The following AFG1L variants were observed in gnomAD, a reference collection of about 807,000 sequenced individuals.
The protein encoded by AFG1L is AFG1-like ATPase.
In AFG1L, 53 loss-of-function variants were observed where a neutral mutation model predicts 62.2. The ratio of observed to expected loss-of-function variants is 0.85; its 90% CI spans 0.68 to 1.07. The LOEUF is 1.07. Among genes scored for constraint, AFG1L ranks in the 50% least tolerant of loss-of-function variants. The probability of loss-of-function intolerance (pLI) is 0.00; values close to 1 mark genes in which losing one functional copy is unlikely to be tolerated. For missense variants in AFG1L, 555 were observed against 590.5 expected (o/e 0.94, Z 0.62); for synonymous variants, 228 against 210.3 (o/e 1.08, Z -0.73).
At chr6:108,314,988 A>G (rs977499647) in intron 1 of AFG1L, among the ~76,000 whole-genome samples, 10 of 152,020 alleles carry the variant, frequency 6.6e-5, no homozygotes, top group African/African-American at 2.4e-4. Flanking sequence ...ACAGGCATGC[A>G]CTAGCATGCC....
intron 10 of AFG1L, among the ~76,000 whole-genome samples, chr6:108,499,981 T>C (rs1321578146): frequency 6.6e-6 from 1 of 152,052 alleles, no homozygotes; most frequent in East Asian, 1.9e-4. Context: ...GTCCCTAGTG[T>C]CTATTTTTTC....
intron 7 of AFG1L, among the ~76,000 whole-genome samples, chr6:108,420,974 C>T (rs552522231): frequency 1.8e-4 from 28 of 152,178 alleles, no homozygotes; most frequent in East Asian, 3.9e-4. Flanking sequence ...TTTAATTACA[C>T]GTGGCAATTT....
At chr6:108,429,524 G>T (rs1183992670) in intron 7 of AFG1L, among the ~76,000 whole-genome samples, 1 of 152,204 alleles carries the variant, frequency 6.6e-6, no homozygotes, top group Non-Finnish European at 1.5e-5. Context: ...TTCAAGATGA[G>T]ATTTGGGTGG....
rs1006071675 is a variant in AFG1L at position 108,366,484 on chromosome 6, T to G, written c.748+152T>G. ...TAACTGGCTTAATCTGAAAAATCAGTTGGTATTTGCATTTGAAAAGTTTTG... is the reference window on the plus strand; with the variant it reads ...TAACTGGCTTAATCTGAAAAATCAGGTGGTATTTGCATTTGAAAAGTTTTG... On this transcript the variant is annotated intron_variant, in intron 6 of 12. Transcript: ENST00000368977. 2.4e-5 allele frequency: 12 copies of G among 494,608 alleles called. 1 individual carries two copies. In the South Asian group the frequency reaches 5.0e-4, roughly 21 times the overall value. The allele number at this position is 494,608 out of a possible 1,614,324, so 30.6% of individuals were successfully genotyped here.
At chr6:108,425,104 G>A (rs1332637337) in intron 7 of AFG1L, among the ~76,000 whole-genome samples, 4 of 152,136 alleles carry the variant, frequency 2.6e-5, no homozygotes, top group South Asian at 4.1e-4. Flanking sequence ...GAAATACAGA[G>A]CAAGGCATAT....
intron 1 of AFG1L, among the ~76,000 whole-genome samples, chr6:108,320,862 T>C (rs1426886258): frequency 6.6e-5 from 10 of 152,080 alleles, no homozygotes; most frequent in African/African-American, 2.2e-4. Context: ...GCATCGATGA[T>C]TGATTGGCTG....
At chr6:108,328,234 A>G (rs1374797655) in intron 2 of AFG1L, among the ~76,000 whole-genome samples, 1 of 152,252 alleles carries the variant, frequency 6.6e-6, no homozygotes, top group African/African-American at 2.4e-5. Flanking sequence ...TTTGTGATAC[A>G]GGTGGGCATC....
chr6:108,295,122 G>GC lies in AFG1L; in HGVS notation c.44dup (p.Gln16ThrfsTer65). Reference sequence around the variant, plus strand: ...GCTCTTGGTTACCCTGCGCCCCTTAGCACAGAGCCCGCTGAGAGGGAGATG... The same window carrying GC: ...GCTCTTGGTTACCCTGCGCCCCTTAGCCACAGAGCCCGCTGAGAGGGAGATG... On this transcript the variant is annotated frameshift_variant, in exon 1 of 13. Coordinates refer to ENST00000368977, the MANE Select transcript of AFG1L (RefSeq NM_145315.5). LOFTEE classifies it high-confidence loss of function. 6.2e-7 allele frequency: 1 copy of GC among 1,611,400 alleles called. No homozygotes were observed. The highest frequency in any genetic ancestry group is 8.5e-7 in the Non-Finnish European group (1 of 1,179,994).
At chr6:108,336,604 A>T (rs915879501) in intron 2 of AFG1L, among the ~76,000 whole-genome samples, 3 of 152,232 alleles carry the variant, frequency 2.0e-5, no homozygotes, top group African/African-American at 7.2e-5. Context: ...AATAGTTTTG[A>T]TAACAGTTTT....
At chr6:108,403,238 T>C (rs115887837) in intron 7 of AFG1L, among the ~76,000 whole-genome samples, 2,934 of 152,236 alleles carry the variant, frequency 0.019, 56 homozygotes, top group South Asian at 0.085. Flanking sequence ...AAATACTTTC[T>C]CCCCATGCAC....
intron 6 of AFG1L, among the ~76,000 whole-genome samples, chr6:108,388,553 TCCCA>T (rs1780879266): frequency 6.6e-6 from 1 of 152,210 alleles, no homozygotes; most frequent in Non-Finnish European, 1.5e-5. Context: ...TTTGAATGTG[TCCCA>T]GAGATTCTGG....
intron 6 of AFG1L, chr6:108,372,890 A>C (rs925581664): frequency 6.5e-6 from 1 of 153,048 alleles, no homozygotes; most frequent in African/African-American, 2.4e-5. Context: ...CACCTCCTCC[A>C]GGTCCAGCTT....
At chr6:108,312,389 A>C (rs1777445460) in intron 1 of AFG1L, among the ~76,000 whole-genome samples, 1 of 152,058 alleles carries the variant, frequency 6.6e-6, no homozygotes, top group Non-Finnish European at 1.5e-5. Context: ...AAAGTAAAAA[A>C]AATAAAAAAT....
chr6:108,401,575 C>T (rs1029544646), intron 6 of AFG1L, among the ~76,000 whole-genome samples: 2 of 152,060 alleles, frequency 1.3e-5, no homozygotes, highest in African/African-American at 4.8e-5. Context: ...CTACTGAGCC[C>T]GTCCAAGTTC....
intron 10 of AFG1L, among the ~76,000 whole-genome samples, chr6:108,480,285 G>A (rs1252921606): frequency 3.3e-5 from 5 of 152,066 alleles, no homozygotes; most frequent in African/African-American, 9.7e-5. Context: ...CATTCTAAGC[G>A]CTTTTATATA....
intron 6 of AFG1L, among the ~76,000 whole-genome samples, chr6:108,379,315 A>G (rs954862923): frequency 1.3e-5 from 2 of 151,960 alleles, no homozygotes; most frequent in African/African-American, 2.4e-5. Flanking sequence ...CGGCTGCCCT[A>G]TGTACTTCTT....
Position 108,477,292 on chromosome 6 carries a change from A to C in AFG1L, c.1062A>C (p.Arg354Ser). Residue 354 changes from arginine (R) to serine (S), a missense_variant and splice_region_variant, in exon 10 of 13, where the codon AGA becomes AGC. Physicochemically the swap from Arg to Ser is moderately radical, Grantham distance 110. Coordinates refer to ENST00000368977, the MANE Select transcript of AFG1L (RefSeq NM_145315.5). ...GCACATTTGAAGAGCTGTGTGAGAG[A>C]GTAAGTATCCAGGCACGTCCAGACT... Reference protein sequence around the residue: ...ADCTFEELCERPLGASDYLEL... With the variant: ...ADCTFEELCESPLGASDYLEL... The C allele has an allele frequency of 1.3e-6, 2 of 1,591,658 alleles. No individual in the cohort carries two copies. Among genetic ancestry groups the C allele is most frequent in the East Asian group, 2.3e-5 (1 of 44,396 alleles).
rs141317857 is a variant in AFG1L at position 108,385,303 on chromosome 6, G to A, written c.749-16693G>A. 8.8e-3 allele frequency among the ~76,000 whole-genome samples: 1,338 copies of A among 152,352 alleles called. 16 individuals carry two copies. The highest frequency in any genetic ancestry group is 0.03 in the African/African-American group (1,236 of 41,578). Reference sequence around the variant, plus strand: ...TGATGGCCATGATGCCCACGCTGAAGGTTGTGGGTGTACTGGAATGAGGGC... The same window carrying A: ...TGATGGCCATGATGCCCACGCTGAAAGTTGTGGGTGTACTGGAATGAGGGC... On this transcript the variant is annotated intron_variant, in intron 6 of 12. Coordinates refer to ENST00000368977, the MANE Select transcript of AFG1L (RefSeq NM_145315.5).
chr6:108,489,120 C>T (rs1353372617), intron 10 of AFG1L, among the ~76,000 whole-genome samples: 3 of 152,138 alleles, frequency 2.0e-5, no homozygotes, highest in East Asian at 3.9e-4. Flanking sequence ...TAGTTTTTCT[C>T]CTGAGGGCAG....
Sources: allele counts gnomAD v4.1 joint callset (sites outside exome capture counted in the v4.1 genomes callset), GRCh38; gene constraint gnomAD v4.1.1; transcripts MANE v1.5; gene names NCBI Gene and HGNC (gene_info 2026-07-23, HGNC 2026-07-21).